ACAD10: variants seen among roughly 807,000 people sequenced by gnomAD.
The protein encoded by ACAD10 is acyl-CoA dehydrogenase family member 10, also known as ACAD-10.
A neutral mutation model predicts 116.8 loss-of-function variants in ACAD10; 112 were observed. That is an observed-to-expected ratio of 0.96 (90% CI 0.82 to 1.12). The LOEUF (loss-of-function observed/expected upper bound fraction) is 1.12, where lower values mean the gene tolerates loss of function less well. Ranked by LOEUF, ACAD10 falls within the 50% of genes most tolerant of loss-of-function variation. The pLI is 0.00. For missense variants in ACAD10, 1,259 were observed against 1,350.2 expected (o/e 0.93, Z 1.06); for synonymous variants, 486 against 510.6 (o/e 0.95, Z 0.65).
At position 111,692,882 on chromosome 12, in the gene ACAD10, G is replaced by C. The variant is rs1888094889; in HGVS notation, c.173G>C (p.Gly58Ala). The change falls in exon 2 of 21, where the codon GGG (glycine) becomes GCG (alanine). Residue 58 changes from glycine to alanine, a missense_variant. Coordinates refer to ENST00000313698, the MANE Select transcript of ACAD10 (RefSeq NM_025247.6). ...DMGGVLIPSP[G>A]RVAAEWEVQN... ...GGCGGAGTTCTCATTCCTTCTCCAG[G>C]GAGAGTCGCTGCAGGTGAGCTATTG... is the stretch of plus-strand genomic sequence containing the variant. 1.2e-6 allele frequency: 2 copies of C among 1,613,948 alleles called. No homozygotes were observed. The highest frequency in any genetic ancestry group is 3.3e-5 in the Admixed American group (2 of 59,984).
At position 111,692,896 on chromosome 12, in the gene ACAD10, G is replaced by T. The variant is rs866919326; in HGVS notation, c.187G>T (p.Glu63Ter). 2 of 1,613,616 alleles carry T rather than the reference G, an allele frequency of 1.2e-6. No homozygotes were observed. Among genetic ancestry groups the T allele is most frequent in the Admixed American group, 1.7e-5 (1 of 59,962 alleles). Residue 63 changes from glutamate (E) to a stop codon, truncating the protein, a stop_gained and splice_region_variant, in exon 2 of 21, where the codon GAA becomes TAA. Transcript: ENST00000313698. LOFTEE classifies it high-confidence loss of function. ...LIPSPGRVAAEWEVQNRIPSG... is the reference protein window; with the variant it reads ...LIPSPGRVAA Reference sequence around the variant, plus strand: ...TCCTTCTCCAGGGAGAGTCGCTGCAGGTGAGCTATTGATTCTGTTTCACTT... The same window carrying T: ...TCCTTCTCCAGGGAGAGTCGCTGCATGTGAGCTATTGATTCTGTTTCACTT...
intron 2 of ACAD10, among the ~76,000 whole-genome samples, chr12:111,698,466 G>C (rs945207017): frequency 5.8e-5 from 8 of 137,628 alleles, no homozygotes; most frequent in Non-Finnish European, 1.3e-4. Context: ...CACTTTTCTT[G>C]TTGATTTTCA....
At chr12:111,755,611 C>T (rs1452204953) in intron 19 of ACAD10, 57 bp from the exon 20 acceptor site, 1 of 1,396,750 alleles carries the variant, frequency 7.2e-7, no homozygotes, top group Non-Finnish European at 1.0e-6. Flanking sequence ...GGGGGCCTCA[C>T]TCTGCCACCC....
rs991258344 is a variant in ACAD10 at position 111,737,122 on chromosome 12, T to G, written c.1714+118T>G. ...TTTGGAGAGACCGATTTGGCCAGGATTCTCTGAGGTTCAGTTAATCTAACC... is the reference window on the plus strand; with the variant it reads ...TTTGGAGAGACCGATTTGGCCAGGAGTCTCTGAGGTTCAGTTAATCTAACC... On this transcript the variant is annotated intron_variant, in intron 12 of 20. Transcript: ENST00000313698. 6.4e-6 allele frequency: 5 copies of G among 778,138 alleles called. No individual in the cohort carries two copies. In the African/African-American group the frequency reaches 8.9e-5, roughly 14 times the overall value. 48.2% of individuals were successfully genotyped at this position (778,138 alleles called of 1,614,324 possible).
intron 5 of ACAD10, among the ~76,000 whole-genome samples, chr12:111,712,062 C>T (rs1388390904): frequency 1.3e-5 from 2 of 152,048 alleles, no homozygotes; most frequent in Admixed American, 1.3e-4. Context: ...AGTTGCTAGC[C>T]AATTAGGACA....
intron 1 of ACAD10, 123 bp from the exon 2 acceptor site, chr12:111,692,574 T>C: frequency 1.1e-6 from 1 of 929,978 alleles, no homozygotes; most frequent in Non-Finnish European, 1.6e-6. Flanking sequence ...GTTGTGGGTG[T>C]GATTCGAAGT....
rs1790908402 is a variant in ACAD10 at position 111,721,571 on chromosome 12, AAAC to A, written c.993-97_993-95del. 27 of 1,211,688 alleles carry A rather than the reference AAAC, an allele frequency of 2.2e-5. 1 individual carries two copies. The South Asian group carries it at 3.6e-4, about 16-fold the overall frequency. The allele number at this position is 1,211,688 out of a possible 1,614,324, so 75.1% of individuals were successfully genotyped here. Reference sequence around the variant, plus strand: ...TAACAGAGCGAGACTGTGTCTCAAAAAACAAAACAAACAAACAAACAAAAAACA... The same window carrying A: ...TAACAGAGCGAGACTGTGTCTCAAAAAAAACAAACAAACAAACAAAAAACA... On this transcript the variant is annotated intron_variant, in intron 7 of 20. Transcript: ENST00000313698.
At chr12:111,694,088 T>G (rs1888129793) in intron 2 of ACAD10, among the ~76,000 whole-genome samples, 1 of 152,176 alleles carries the variant, frequency 6.6e-6, no homozygotes, top group Non-Finnish European at 1.5e-5. Context: ...GGTGGCTGGT[T>G]GGCCAGTTCT....
rs769502911 is a variant in ACAD10, at chr12:111,748,995, T to G, written c.2645-178T>G. 3.1e-6 allele frequency: 5 copies of G among 1,607,936 alleles called. 1 individual carries two copies. In the African/African-American group the frequency reaches 6.7e-5, roughly 21 times the overall value. ...TTGCCATTATAAATCAGTGATTCAT[T>G]TTCTGTGTTTAACAGGCTGTTTCCT... On this transcript the variant is annotated intron_variant, in intron 17 of 20. Coordinates refer to ENST00000313698, the MANE Select transcript of ACAD10 (RefSeq NM_025247.6).
At position 111,737,540 on chromosome 12, in the gene ACAD10, T is replaced by C. The variant is rs188441442; in HGVS notation, c.1714+536T>C. 9.0e-3 allele frequency among the ~76,000 whole-genome samples: 1,363 copies of C among 152,214 alleles called. 16 individuals carry two copies. Among genetic ancestry groups the C allele is most frequent in the African/African-American group, 0.031 (1,300 of 41,528 alleles). ...ATTATTAAAGTAATGCACAAAGAAATTTTTCCAGTTAAAGCATTCATGCAC... is the reference window on the plus strand; with the variant it reads ...ATTATTAAAGTAATGCACAAAGAAACTTTTCCAGTTAAAGCATTCATGCAC... On this transcript the variant is annotated intron_variant, in intron 12 of 20. Transcript: ENST00000313698.
intron 2 of ACAD10, 169 bp downstream of exon 2, chr12:111,693,065 G>T: frequency 1.5e-6 from 1 of 648,932 alleles, no homozygotes; most frequent in South Asian, 2.0e-5. Context: ...TGTCTTGGGC[G>T]CATGATTCAG....
chr12:111,692,474 G>A (rs1698376297), intron 1 of ACAD10, among the ~76,000 whole-genome samples: 1 of 152,222 alleles, frequency 6.6e-6, no homozygotes, highest in African/African-American at 2.4e-5. Flanking sequence ...CAGAAAGTCA[G>A]AGGCGAGTCC....
chr12:111,731,280 G>C (rs974329698), intron 10 of ACAD10, among the ~76,000 whole-genome samples: 4 of 152,208 alleles, frequency 2.6e-5, no homozygotes, highest in Non-Finnish European at 5.9e-5. Context: ...CTGCATCAGA[G>C]ACTGATGGGG....
At position 111,712,791 on chromosome 12, in the gene ACAD10, G is replaced by A; in HGVS notation, c.850+134G>A. On this transcript the variant is annotated intron_variant, in intron 6 of 20. Transcript: ENST00000313698. ...AGTGAGGAAAATAGCCATTGGGCCT[G>A]GTGCATCGGAGCACTGCTTTCAGTT... The A allele has an allele frequency of 3.0e-6, 3 of 992,816 alleles. No homozygotes were observed. In the East Asian group the frequency reaches 7.3e-5, roughly 24 times the overall value. The allele number at this position is 992,816 out of a possible 1,614,324, so 61.5% of individuals were successfully genotyped here.
chr12:111,702,131 A>G, intron 2 of ACAD10, 31 bp from the exon 3 acceptor site: 5 of 1,606,254 alleles, frequency 3.1e-6, no homozygotes, highest in Non-Finnish European at 4.2e-6. Context: ...GTATCAATGT[A>G]TTCCACTTTT....
At chr12:111,723,213 C>T in intron 8 of ACAD10, among the ~76,000 whole-genome samples, 1 of 141,980 alleles carries the variant, frequency 7.0e-6, no homozygotes, top group Admixed American at 6.8e-5. Flanking sequence ...CTCCTCCCTC[C>T]CGGACGGGGC....
At chr12:111,702,719 G>A (rs894241293) in intron 3 of ACAD10, among the ~76,000 whole-genome samples, 6 of 151,940 alleles carry the variant, frequency 3.9e-5, no homozygotes, top group Admixed American at 1.3e-4. Flanking sequence ...CAACAAGAGC[G>A]AAACTGTCTC....
intron 18 of ACAD10, among the ~76,000 whole-genome samples, chr12:111,750,991 T>C (rs922152976): frequency 1.3e-5 from 2 of 152,208 alleles, no homozygotes; most frequent in African/African-American, 4.8e-5. Flanking sequence ...GGTATGGTGC[T>C]TCAGCCCCAC....
At chr12:111,750,069 G>A (rs1477090150) in intron 18 of ACAD10, among the ~76,000 whole-genome samples, 9 of 148,922 alleles carry the variant, frequency 6.0e-5, no homozygotes, top group Non-Finnish European at 1.3e-4. Flanking sequence ...CACCGTGCCC[G>A]GCAAAAAAAA....
Sources: gnomAD v4.1 joint callset for allele counts (sites outside exome capture counted in the v4.1 genomes callset) on GRCh38, gnomAD v4.1.1 for gene constraint, MANE v1.5 for transcripts, NCBI Gene and HGNC (gene_info 2026-07-23, HGNC 2026-07-21) for gene names.